VPS41: variants seen among roughly 807,000 people sequenced by gnomAD.
VPS41 encodes VPS41 subunit of HOPS complex.
VPS41 carries 85 observed loss-of-function variants against 130.9 expected under a neutral mutation model. That is an observed-to-expected ratio of 0.65 (90% CI 0.55 to 0.78). The LOEUF (loss-of-function observed/expected upper bound fraction) is 0.78. Among genes scored for constraint, VPS41 ranks in the 30% least tolerant of loss-of-function variants. VPS41 has a pLI of 0.00. For missense variants in VPS41, 874 were observed against 1,018.7 expected, an observed-to-expected ratio of 0.86 and a Z score of 1.93; for synonymous variants, 335 against 332.9, an observed-to-expected ratio of 1.01 and a Z score of -0.07.
intron 2 of VPS41, 34 bp from the exon 3 acceptor site, chr7:38,869,287 A>G (rs768003625): frequency 6.7e-7 from 1 of 1,491,168 alleles, no homozygotes; most frequent in East Asian, 2.3e-5. Context: ...GACACCCGTC[A>G]GAGATTTATT....
chr7:38,733,735 C>G (rs1795711717), intron 25 of VPS41, among the ~76,000 whole-genome samples: 1 of 152,154 alleles, frequency 6.6e-6, no homozygotes, highest in Admixed American at 6.5e-5. Flanking sequence ...GTAAATTAAA[C>G]AGCACCATTA....
intron 10 of VPS41, among the ~76,000 whole-genome samples, chr7:38,783,410 C>T (rs1784387601): frequency 6.6e-6 from 1 of 152,000 alleles, no homozygotes; most frequent in South Asian, 2.1e-4. Flanking sequence ...TGGCAGGCGC[C>T]TGTAATCCCA....
intron 5 of VPS41, among the ~76,000 whole-genome samples, chr7:38,821,796 A>C (rs1188002182): frequency 6.6e-6 from 1 of 152,294 alleles, no homozygotes; most frequent in South Asian, 2.1e-4. Context: ...AGCTTTCATA[A>C]GCATTCCATG....
chr7:38,736,930 AT>A (rs1222284263), intron 25 of VPS41, among the ~76,000 whole-genome samples: 1 of 152,128 alleles, frequency 6.6e-6, no homozygotes, highest in Non-Finnish European at 1.5e-5. Context: ...TACAGGGTGG[AT>A]TTTCCCTCCC....
rs141606172 is a variant in VPS41, at chr7:38,898,645, A to G, written c.22-516T>C. Among the ~76,000 whole-genome samples the G allele has an allele frequency of 3.7e-3, 570 of 152,346 alleles. 6 individuals carry two copies. Among genetic ancestry groups the G allele is most frequent in the African/African-American group, 0.013 (553 of 41,584 alleles). On this transcript the variant is annotated intron_variant, in intron 1 of 28. Coordinates refer to ENST00000310301, the MANE Select transcript of VPS41 (RefSeq NM_014396.4). ...TGTGTAAACAAGCTGTATAATTTACATGCACTCTTTAAACCATCACCACTA... is the reference window on the plus strand; with the variant it reads ...TGTGTAAACAAGCTGTATAATTTACGTGCACTCTTTAAACCATCACCACTA...
chr7:38,771,144 C>T lies in VPS41; in HGVS notation c.1185+54G>A. On this transcript the variant is annotated intron_variant, in intron 14 of 28. Transcript: ENST00000310301. ...TCTTTTCAAATTATTTTCAGTCTCA[C>T]TATAACTTATTGAAAGATAAAATTA... is the stretch of plus-strand genomic sequence containing the variant. 3.1e-6 allele frequency: 4 copies of T among 1,294,848 alleles called. No homozygotes were observed. The Admixed American group carries it at 7.1e-5, about 23-fold the overall frequency. 80.2% of individuals were successfully genotyped at this position (1,294,848 alleles called of 1,614,324 possible).
At chr7:38,885,392 T>C (rs147317364) in intron 2 of VPS41, among the ~76,000 whole-genome samples, 2 of 152,332 alleles carry the variant, frequency 1.3e-5, no homozygotes, top group East Asian at 3.9e-4. Context: ...CTATCACCAA[T>C]GTATTCCATA....
intron 9 of VPS41, among the ~76,000 whole-genome samples, chr7:38,792,331 C>T (rs1364461906): frequency 2.6e-5 from 4 of 152,252 alleles, no homozygotes; most frequent in African/African-American, 4.8e-5. Flanking sequence ...TCCTCCACTT[C>T]TCCACATGGG....
intron 27 of VPS41, among the ~76,000 whole-genome samples, chr7:38,727,912 A>G (rs1439917370): frequency 6.6e-6 from 1 of 152,234 alleles, no homozygotes; most frequent in African/African-American, 2.4e-5. Flanking sequence ...GAAGACATAT[A>G]TCTATCTGCC....
chr7:38,884,381 T>G (rs1440288363), intron 2 of VPS41, among the ~76,000 whole-genome samples: 1 of 152,204 alleles, frequency 6.6e-6, no homozygotes, highest in Non-Finnish European at 1.5e-5. Context: ...TTATTAAAAT[T>G]TACACATCTA....
At chr7:38,842,713 G>A (rs6959858) in intron 4 of VPS41, among the ~76,000 whole-genome samples, 32,486 of 151,972 alleles carry the variant, frequency 0.21, 4,437 homozygotes, top group Non-Finnish European at 0.31. Context: ...AGCCTCTGTC[G>A]CCCACCACTT....
intron 2 of VPS41, among the ~76,000 whole-genome samples, chr7:38,884,163 C>G (rs1786671123): frequency 6.6e-6 from 1 of 152,094 alleles, no homozygotes; most frequent in Non-Finnish European, 1.5e-5. Flanking sequence ...AAATAAATGA[C>G]TTTTGTGTGA....
chr7:38,898,071 C>T lies in VPS41; in HGVS notation c.60+20G>A, dbSNP rs1787050370. ...ACGTGGTGAGCTACAAATCCGAGGG[C>T]TCCTGAGTCACCACCTTACCTCAGA... On this transcript the variant is annotated intron_variant, in intron 2 of 28. Transcript: ENST00000310301. 1 of 1,612,022 alleles carries T rather than the reference C, an allele frequency of 6.2e-7. No homozygotes were observed. The highest frequency in any genetic ancestry group is 8.5e-7 in the Non-Finnish European group (1 of 1,178,154).
intron 10 of VPS41, among the ~76,000 whole-genome samples, chr7:38,784,974 T>G (rs1784414584): frequency 6.6e-6 from 1 of 152,206 alleles, no homozygotes; most frequent in Admixed American, 6.5e-5. Context: ...CTTCTATGAT[T>G]CTTAAAGAAA....
At chr7:38,776,458 G>C (rs1784259852) in intron 11 of VPS41, among the ~76,000 whole-genome samples, 1 of 152,112 alleles carries the variant, frequency 6.6e-6, no homozygotes, top group Non-Finnish European at 1.5e-5. Context: ...CGAAAAAAAA[G>C]ACTCTTTTTT....
intron 7 of VPS41, among the ~76,000 whole-genome samples, chr7:38,805,557 A>G (rs2116037666): frequency 7.4e-6 from 1 of 134,704 alleles, no homozygotes; most frequent in Non-Finnish European, 1.6e-5. Context: ...AAAACAAAGT[A>G]AAGCCCAAAA....
At chr7:38,831,405 C>T (rs1013403279) in intron 4 of VPS41, 1 of 362,864 alleles carries the variant, frequency 2.8e-6, no homozygotes, top group Non-Finnish European at 5.5e-6. Flanking sequence ...TCAACGACTA[C>T]ATGTGACTAG....
intron 25 of VPS41, among the ~76,000 whole-genome samples, chr7:38,733,454 G>A (rs769533314): frequency 2.6e-5 from 4 of 152,102 alleles, no homozygotes; most frequent in Non-Finnish European, 5.9e-5. Flanking sequence ...AATACATTTT[G>A]TGATGTTTCC....
At chr7:38,883,606 G>A (rs1386219490) in intron 2 of VPS41, among the ~76,000 whole-genome samples, 1 of 152,042 alleles carries the variant, frequency 6.6e-6, no homozygotes, top group Admixed American at 6.6e-5. Flanking sequence ...TGAAATACTT[G>A]TGTATCCTAG....
Sources: gnomAD v4.1 joint callset for allele counts (sites outside exome capture counted in the v4.1 genomes callset) on GRCh38, gnomAD v4.1.1 for gene constraint, MANE v1.5 for transcripts, NCBI Gene and HGNC (gene_info 2026-07-23, HGNC 2026-07-21) for gene names.